The following ATF6 variants were observed in gnomAD, a reference collection of about 807,000 sequenced individuals.
The protein encoded by ATF6 is cyclic AMP-dependent transcription factor ATF-6 alpha.
A neutral mutation model predicts 83.6 loss-of-function variants in ATF6; 53 were observed. That is an observed-to-expected ratio of 0.63 (90% CI 0.51 to 0.80). The LOEUF is 0.80. Ranked by LOEUF, ATF6 falls within the 30% of genes least tolerant of loss-of-function variation. ATF6 has a pLI of 0.00. For missense variants in ATF6, 744 were observed against 797.9 expected (o/e 0.93, Z 0.81); for synonymous variants, 288 against 285.8 (o/e 1.01, Z -0.08).
chr1:161,810,337 A>G (rs971449408), intron 7 of ATF6, among the ~76,000 whole-genome samples: 5 of 152,164 alleles, frequency 3.3e-5, no homozygotes, highest in South Asian at 4.1e-4. Flanking sequence ...AAGAGAGAAA[A>G]GAGGGAAGTG....
intron 1 of ATF6, among the ~76,000 whole-genome samples, chr1:161,766,821 G>A (rs1254603480): frequency 6.6e-6 from 1 of 152,210 alleles, no homozygotes; most frequent in African/African-American, 2.4e-5. Flanking sequence ...GCACAATGGA[G>A]TGGGTTTTTG....
chr1:161,787,009 G>C (rs1410229929), intron 4 of ATF6, among the ~76,000 whole-genome samples: 1 of 152,154 alleles, frequency 6.6e-6, no homozygotes, highest in African/African-American at 2.4e-5. Flanking sequence ...GCATTTCTTA[G>C]TCGGGTTTGT....
intron 9 of ATF6, among the ~76,000 whole-genome samples, chr1:161,829,974 A>G (rs906485282): frequency 2.2e-4 from 34 of 152,172 alleles, no homozygotes; most frequent in South Asian, 6.2e-4. Context: ...CAGGAGAAAG[A>G]AATAAAGGGT....
intron 7 of ATF6, among the ~76,000 whole-genome samples, chr1:161,811,802 A>T (rs1035331546): frequency 6.6e-6 from 1 of 151,136 alleles, no homozygotes; most frequent in African/African-American, 2.4e-5. Flanking sequence ...TACACACACA[A>T]TTTTTTTCCT....
intron 15 of ATF6, among the ~76,000 whole-genome samples, chr1:161,915,052 TC>T (rs1245662146): frequency 1.3e-5 from 2 of 152,102 alleles, no homozygotes; most frequent in African/African-American, 4.8e-5. Context: ...TTTCTCACCT[TC>T]TCTTGTCAAA....
intron 14 of ATF6, among the ~76,000 whole-genome samples, chr1:161,903,632 T>A (rs1438746431): frequency 6.6e-6 from 1 of 152,364 alleles, no homozygotes; most frequent in Non-Finnish European, 1.5e-5. Context: ...TGAACACTTA[T>A]AAGTGTTGAA....
At chr1:161,887,439 C>T (rs1687450137) in intron 14 of ATF6, among the ~76,000 whole-genome samples, 1 of 152,130 alleles carries the variant, frequency 6.6e-6, no homozygotes, top group Non-Finnish European at 1.5e-5. Flanking sequence ...AGCCCTTGGG[C>T]TAGGTAATGT....
chr1:161,924,975 C>G (rs1039705637), intron 15 of ATF6, among the ~76,000 whole-genome samples: 5 of 152,214 alleles, frequency 3.3e-5, no homozygotes, highest in African/African-American at 1.2e-4. Flanking sequence ...TGTATAGAGA[C>G]TGCCTGCTTT....
chr1:161,881,380 C>T (rs1168219195), intron 14 of ATF6, among the ~76,000 whole-genome samples: 1 of 152,124 alleles, frequency 6.6e-6, no homozygotes, highest in Non-Finnish European at 1.5e-5. Flanking sequence ...CTAAGGGTCT[C>T]AGTTATTTGC....
At chr1:161,927,054 C>T (rs773345715) in intron 15 of ATF6, among the ~76,000 whole-genome samples, 1 of 151,898 alleles carries the variant, frequency 6.6e-6, no homozygotes, top group East Asian at 1.9e-4. Flanking sequence ...CAAAAGAAGA[C>T]TAAAATGTGA....
intron 14 of ATF6, among the ~76,000 whole-genome samples, chr1:161,879,013 T>G (rs558425169): frequency 2.6e-5 from 4 of 152,234 alleles, no homozygotes; most frequent in Non-Finnish European, 5.9e-5. Context: ...GAAAGCAATG[T>G]TAAAAGAGAA....
chr1:161,816,138 T>A (rs1050321124), intron 7 of ATF6, among the ~76,000 whole-genome samples: 3 of 152,202 alleles, frequency 2.0e-5, no homozygotes, highest in Non-Finnish European at 2.9e-5. Context: ...GGAAACTATT[T>A]TGCAGCTGTA....
intron 14 of ATF6, among the ~76,000 whole-genome samples, chr1:161,870,958 T>C (rs891828388): frequency 1.3e-5 from 2 of 151,768 alleles, no homozygotes; most frequent in African/African-American, 4.8e-5. Flanking sequence ...ATTTGTTTAA[T>C]CTCCCCTTTT....
At chr1:161,806,048 A>G (rs1195946918) in intron 7 of ATF6, among the ~76,000 whole-genome samples, 1 of 152,136 alleles carries the variant, frequency 6.6e-6, no homozygotes. Flanking sequence ...TTGCTGGTAA[A>G]TCTGTTTTGT....
chr1:161,804,438 G>A (rs1315352358), intron 7 of ATF6, among the ~76,000 whole-genome samples: 1 of 152,022 alleles, frequency 6.6e-6, no homozygotes, highest in Non-Finnish European at 1.5e-5. Flanking sequence ...GAAACCATGG[G>A]GTAGAGGAGT....
At chr1:161,952,910 T>C (rs1400680473) in intron 15 of ATF6, among the ~76,000 whole-genome samples, 2 of 152,180 alleles carry the variant, frequency 1.3e-5, no homozygotes, top group Non-Finnish European at 2.9e-5. Flanking sequence ...GGAATGGTGG[T>C]GAGAAAGGAT....
chr1:161,882,770 T>C (rs1687345834), intron 14 of ATF6, among the ~76,000 whole-genome samples: 1 of 151,804 alleles, frequency 6.6e-6, no homozygotes, highest in Non-Finnish European at 1.5e-5. Flanking sequence ...ATCTCGGTTT[T>C]AATTTTCAGT....
chr1:161,790,044 T>C (rs1172982477), intron 4 of ATF6, among the ~76,000 whole-genome samples: 1 of 152,194 alleles, frequency 6.6e-6, no homozygotes, highest in Non-Finnish European at 1.5e-5. Flanking sequence ...AATTTGCCTT[T>C]GACTACCATT....
At chr1:161,773,873 A>G (rs1159743458) in intron 1 of ATF6, among the ~76,000 whole-genome samples, 1 of 152,184 alleles carries the variant, frequency 6.6e-6, no homozygotes, top group African/African-American at 2.4e-5. Flanking sequence ...ATATACGAGT[A>G]TATTTATCAA....
Sources: allele counts gnomAD v4.1 joint callset (sites outside exome capture counted in the v4.1 genomes callset), GRCh38; gene constraint gnomAD v4.1.1; transcripts MANE v1.5; gene names NCBI Gene and HGNC (gene_info 2026-07-23, HGNC 2026-07-21).